The following ESRRG variants were observed in gnomAD, a reference collection of about 807,000 sequenced individuals.
ESRRG encodes the protein estrogen related receptor gamma.
ESRRG carries 13 observed loss-of-function variants against 44.0 expected under a neutral mutation model. The ratio of observed to expected loss-of-function variants is 0.30; its 90% CI spans 0.19 to 0.47. The LOEUF is 0.47. Ranked by LOEUF, ESRRG falls within the 20% of genes least tolerant of loss-of-function variation. The pLI is 1.00. For synonymous variants in ESRRG, 215 were observed against 214.6 expected (o/e 1.00, Z -0.02); for missense variants, 395 against 580.6 (o/e 0.68, Z 3.29).
intron 1 of ESRRG, among the ~76,000 whole-genome samples, chr1:217,006,993 C>A (rs1036598483): frequency 2.6e-5 from 4 of 152,088 alleles, no homozygotes; most frequent in Admixed American, 2.6e-4. Context: ...AATCATATCA[C>A]CAGTTTAAGG....
At chr1:216,577,557 C>G (rs1380600817) in intron 3 of ESRRG, among the ~76,000 whole-genome samples, 1 of 151,816 alleles carries the variant, frequency 6.6e-6, no homozygotes, top group African/African-American at 2.4e-5. Context: ...GCACAGCACC[C>G]CATGGGGATG....
In ESRRG at chr1:216,810,334, A is replaced by T. The variant is rs1446743159; in HGVS notation, c.-14+129248T>A. Among the ~76,000 whole-genome samples the T allele has an allele frequency of 1.3e-5, 2 of 152,090 alleles. 1 individual carries two copies. The highest frequency in any genetic ancestry group is 1.3e-4 in the Admixed American group (2 of 15,236). Reference sequence around the variant, plus strand: ...ATCTATGTTCAGAGCATGCAGCATTATAAATTAATCCTTACATGATTTCAC... The same window carrying T: ...ATCTATGTTCAGAGCATGCAGCATTTTAAATTAATCCTTACATGATTTCAC... On this transcript the variant is annotated intron_variant, in intron 2 of 7. Coordinates refer to the ESRRG transcript ENST00000359162.
intron 3 of ESRRG, among the ~76,000 whole-genome samples, chr1:216,637,367 A>C (rs1419358036): frequency 6.6e-6 from 1 of 152,230 alleles, no homozygotes. Context: ...GTTATTGCAC[A>C]GCCCTCCTGT....
chr1:216,740,024 G>A (rs1355058168), intron 2 of ESRRG, among the ~76,000 whole-genome samples: 1 of 152,150 alleles, frequency 6.6e-6, no homozygotes, highest in African/African-American at 2.4e-5. Flanking sequence ...GGCTATGTTA[G>A]CCCCTTTGCT....
At chr1:216,688,418 T>C (rs2078436076) in intron 1 of ESRRG, among the ~76,000 whole-genome samples, 1 of 152,212 alleles carries the variant, frequency 6.6e-6, no homozygotes, top group Non-Finnish European at 1.5e-5. Flanking sequence ...GCACCATCTG[T>C]TACCAAATCT....
In ESRRG at chr1:216,568,054, G is replaced by A. The variant is rs775763985; in HGVS notation, c.634C>T (p.Arg212Cys). The A allele has an allele frequency of 4.3e-6, 7 of 1,613,862 alleles. No individual in the cohort carries two copies. Among genetic ancestry groups the A allele is most frequent in the Non-Finnish European group, 5.9e-6 (7 of 1,179,824 alleles). ...GGGCTGTTCTCCGCATCTATCCTGC[G>A]CTTGTACTTCTGCCGACCTCCACGT... ...RVRGGRQKYKRRIDAENSPYL... is the reference protein window; with the variant it reads ...RVRGGRQKYKCRIDAENSPYL... The change falls in exon 4 of 7, where the codon CGC becomes TGC. Residue 212 changes from arginine to cysteine, a missense_variant. By Grantham distance (180) the Arg-to-Cys change is radical (BLOSUM62 -3). Transcript: ENST00000408911.
chr1:216,781,738 A>G (rs2093944401), intron 2 of ESRRG, among the ~76,000 whole-genome samples: 4 of 152,022 alleles, frequency 2.6e-5, no homozygotes, highest in Non-Finnish European at 5.9e-5. Flanking sequence ...CAAGCATGTA[A>G]TCAGGTAAGA....
In ESRRG at chr1:216,738,302, T is replaced by C. The variant is rs17629211; in HGVS notation, c.-13-60811A>G. ...GACTCCAGCTTTTGTAGTGACACAATGCTGAGAAACCAAATTTCCAGGGAT... is the reference window on the plus strand; with the variant it reads ...GACTCCAGCTTTTGTAGTGACACAACGCTGAGAAACCAAATTTCCAGGGAT... On this transcript the variant is annotated intron_variant, in intron 2 of 7. Transcript: ENST00000359162. Among the ~76,000 whole-genome samples the C allele has an allele frequency of 5.2e-3, 794 of 152,226 alleles. 4 individuals are homozygous for C. Among genetic ancestry groups the C allele is most frequent in the Non-Finnish European group, 7.6e-3 (519 of 68,010 alleles).
chr1:216,568,210 G>T, intron 3 of ESRRG, 112 bp from the exon 4 acceptor site: 1 of 768,424 alleles, frequency 1.3e-6, no homozygotes, highest in Non-Finnish European at 2.3e-6. Flanking sequence ...GTAGAATGCA[G>T]AATGGACCAG....
At chr1:217,136,368 C>A (rs2093049584) in intron 1 of ESRRG, among the ~76,000 whole-genome samples, 2 of 152,204 alleles carry the variant, frequency 1.3e-5, no homozygotes, top group Admixed American at 1.3e-4. Context: ...TCCTGCAGTG[C>A]AGATTTCCTT....
chr1:216,649,685 G>A (rs1213009026), intron 3 of ESRRG, among the ~76,000 whole-genome samples: 1 of 152,084 alleles, frequency 6.6e-6, no homozygotes, highest in African/African-American at 2.4e-5. Context: ...CAAGGGAAGA[G>A]CAAAGTTGAA....
chr1:216,906,715 G>C (rs1577969423), intron 2 of ESRRG, among the ~76,000 whole-genome samples: 1 of 152,234 alleles, frequency 6.6e-6, no homozygotes, highest in African/African-American at 2.4e-5. Flanking sequence ...ACACCTAGAA[G>C]AGAGAAAGTA....
chr1:216,883,981 C>T (rs2096485356), intron 2 of ESRRG, among the ~76,000 whole-genome samples: 1 of 152,180 alleles, frequency 6.6e-6, no homozygotes, highest in African/African-American at 2.4e-5. Context: ...TTTAAATCCC[C>T]ACTGCAGTCC....
intron 1 of ESRRG, among the ~76,000 whole-genome samples, chr1:217,066,170 C>T (rs1177832537): frequency 6.6e-6 from 1 of 152,140 alleles, no homozygotes; most frequent in Admixed American, 6.5e-5. Context: ...ATATTACATG[C>T]CAAATATTTT....
intron 2 of ESRRG, among the ~76,000 whole-genome samples, chr1:216,903,869 T>C (rs751896219): frequency 1.2e-4 from 18 of 152,090 alleles, no homozygotes; most frequent in South Asian, 4.1e-4. Flanking sequence ...CAGGATCCAA[T>C]TATGTTCTTG....
intron 2 of ESRRG, among the ~76,000 whole-genome samples, chr1:216,811,127 T>G (rs747135696): frequency 4.6e-5 from 7 of 152,270 alleles, no homozygotes; most frequent in African/African-American, 1.7e-4. Context: ...TCTACAAAGA[T>G]TTCCTTTTTA....
At chr1:216,969,873 A>G (rs1057508862) in intron 1 of ESRRG, among the ~76,000 whole-genome samples, 4 of 152,214 alleles carry the variant, frequency 2.6e-5, no homozygotes, top group Admixed American at 6.5e-5. Flanking sequence ...GGCATGAGCC[A>G]CGGTGCCCAG....
intron 5 of ESRRG, among the ~76,000 whole-genome samples, chr1:216,542,480 A>G (rs538789741): frequency 6.6e-6 from 1 of 152,138 alleles, no homozygotes; most frequent in East Asian, 1.9e-4. Flanking sequence ...TATCCCTGGA[A>G]TTTCCTATTA....
chr1:216,646,335 T>C (rs1401037484), intron 3 of ESRRG, among the ~76,000 whole-genome samples: 1 of 152,172 alleles, frequency 6.6e-6, no homozygotes, highest in Admixed American at 6.5e-5. Flanking sequence ...GACCTTGGGT[T>C]GGTCTAGCAA....
Sources: allele counts gnomAD v4.1 joint callset (sites outside exome capture counted in the v4.1 genomes callset), GRCh38; gene constraint gnomAD v4.1.1; transcripts MANE v1.5; gene names NCBI Gene and HGNC (gene_info 2026-07-23, HGNC 2026-07-21).